ENPP1: variants seen among roughly 807,000 people sequenced by gnomAD.
ENPP1 encodes the protein ectonucleotide pyrophosphatase/phosphodiesterase family member 1.
In ENPP1, 73 loss-of-function variants were observed where a neutral mutation model predicts 122.8. The observed-to-expected ratio is 0.59, with a 90% CI of 0.49 to 0.72. ENPP1 has a LOEUF of 0.72. ENPP1 is among the 30% of genes least tolerant of loss of function. The pLI, the probability that ENPP1 is intolerant of heterozygous loss-of-function variation, is 0.00. For synonymous variants in ENPP1, 367 were observed against 391.6 expected, an observed-to-expected ratio of 0.94 and a Z score of 0.74; for missense variants, 978 against 1,128.1, an observed-to-expected ratio of 0.87 and a Z score of 1.91.
At chr6:131,824,492 T>C (rs140897871) in intron 1 of ENPP1, among the ~76,000 whole-genome samples, 93 of 152,160 alleles carry the variant, frequency 6.1e-4, no homozygotes, top group Middle Eastern at 3.4e-3. Flanking sequence ...TCTCTCTCTG[T>C]CATCCAGGCT....
rs1328281991 is a variant in ENPP1, at chr6:131,894,796, T to C, written c.*4285T>C. On this transcript the variant is annotated 3_prime_UTR_variant, in exon 25 of 25. Coordinates refer to ENST00000647893, the MANE Select transcript of ENPP1 (RefSeq NM_006208.3). Reference sequence around the variant, plus strand: ...GCTGTTCCTGTTTAAGGAGACAAGATGGGCATGGAACAGGGACCACCCCCT... The same window carrying C: ...GCTGTTCCTGTTTAAGGAGACAAGACGGGCATGGAACAGGGACCACCCCCT... 2.6e-5 allele frequency: 4 copies of C among 152,190 alleles called. No homozygotes were observed. The highest frequency in any genetic ancestry group is 5.9e-5 in the Non-Finnish European group (4 of 68,088). 9.4% of individuals were successfully genotyped at this position (152,190 alleles called of 1,614,324 possible).
At chr6:131,855,931 A>C (rs1781940881) in intron 6 of ENPP1, among the ~76,000 whole-genome samples, 1 of 152,070 alleles carries the variant, frequency 6.6e-6, no homozygotes, top group South Asian at 2.1e-4. Flanking sequence ...AAGTAAATAC[A>C]ATTACTTTAG....
At chr6:131,843,137 T>G (rs572311023) in intron 1 of ENPP1, among the ~76,000 whole-genome samples, 12 of 152,322 alleles carry the variant, frequency 7.9e-5, no homozygotes, top group African/African-American at 2.9e-4. Flanking sequence ...GTTAAACTGC[T>G]TTGACAGGAA....
At chr6:131,829,527 T>C (rs1422429643) in intron 1 of ENPP1, among the ~76,000 whole-genome samples, 2 of 152,246 alleles carry the variant, frequency 1.3e-5, no homozygotes, top group Non-Finnish European at 2.9e-5. Context: ...TGTCTATCTA[T>C]CCATCCATCC....
chr6:131,886,946 T>C (rs1172197770), intron 24 of ENPP1, among the ~76,000 whole-genome samples: 1 of 107,464 alleles, frequency 9.3e-6, no homozygotes, highest in East Asian at 3.1e-4. Context: ...TTTTTTTTTT[T>C]AGAGATAGGG....
chr6:131,808,332 C>T (rs889424439), intron 1 of ENPP1, 57 bp downstream of exon 1: 11 of 1,446,070 alleles, frequency 7.6e-6, no homozygotes, highest in Middle Eastern at 2.5e-4. Flanking sequence ...GGGAGGGCGG[C>T]GCCGAGCTCC....
In ENPP1 at chr6:131,850,106, G is replaced by C. The variant is rs751279239; in HGVS notation, c.430G>C (p.Glu144Gln). The C allele has an allele frequency of 6.3e-7, 1 of 1,591,330 alleles. No individual in the cohort carries two copies. ...TTACCAGGAGACGTGCATAGAACCA[G>C]GTAAGGATGAGCAGGGAAAAAAGTG... ...LDYQETCIEP[E>Q]HIWTCNKFRC... Residue 144 changes from glutamate to glutamine, a missense_variant and splice_region_variant, in exon 3 of 25, where the codon GAA becomes CAA. Physicochemically the swap from Glu to Gln is conservative, Grantham distance 29. This residue lies in a region of ENPP1 where 330 missense variants were observed against 328.5 expected (regional missense o/e 1.00). Transcript: ENST00000647893.
intron 11 of ENPP1, 69 bp downstream of exon 11, chr6:131,865,007 G>A (rs1228776940): frequency 8.5e-6 from 8 of 944,230 alleles, no homozygotes; most frequent in Non-Finnish European, 1.4e-5. Flanking sequence ...CTTTGAAGGA[G>A]GCTGCTAGAC....
intron 1 of ENPP1, chr6:131,828,064 T>C: frequency 1.6e-6 from 1 of 644,134 alleles, no homozygotes; most frequent in Non-Finnish European, 3.0e-6. Flanking sequence ...GGAAGAACGT[T>C]GCAAACCAAT....
chr6:131,840,629 A>G (rs947104074), intron 1 of ENPP1, among the ~76,000 whole-genome samples: 2 of 152,212 alleles, frequency 1.3e-5, no homozygotes, highest in African/African-American at 4.8e-5. Context: ...TCATAGATTT[A>G]AAAATGAGGC....
At chr6:131,860,271 CTTA>C (rs1265073871) in intron 7 of ENPP1, 113 bp from the exon 8 acceptor site, 4 of 821,682 alleles carry the variant, frequency 4.9e-6, no homozygotes, top group East Asian at 2.7e-5. Flanking sequence ...TTTCCTTAAA[CTTA>C]TTATAATTCC....
intron 22 of ENPP1, among the ~76,000 whole-genome samples, 181 bp from the exon 23 acceptor site, chr6:131,884,750 G>C (rs1782354413): frequency 6.6e-6 from 1 of 152,186 alleles, no homozygotes; most frequent in Admixed American, 6.5e-5. Context: ...ACTCCAGCCT[G>C]GGTGATATAG....
intron 1 of ENPP1, among the ~76,000 whole-genome samples, chr6:131,842,506 C>T (rs1429132569): frequency 6.6e-6 from 1 of 151,950 alleles, no homozygotes; most frequent in South Asian, 2.1e-4. Context: ...TTGTATTTCC[C>T]CACAGAATCT....
chr6:131,852,586 G>T (rs1781896065), intron 5 of ENPP1, among the ~76,000 whole-genome samples: 1 of 152,096 alleles, frequency 6.6e-6, no homozygotes, highest in Non-Finnish European at 1.5e-5. Flanking sequence ...TTTTTAGCCA[G>T]ATCTTGTGTT....
rs1782382289 is a variant in ENPP1 at position 131,886,676 on chromosome 6, C to G, written c.2559C>G (p.Thr853=). ...CTTTGCACTGTGAAAACCTAGACAC[C>G]TTAGCTTTCATTTTGCCTCACAGGA... The part of the protein sequence containing the change: ...QTPLHCENLD[T]LAFILPHRTD... The change falls in exon 24 of 25, where the codon ACC becomes ACG. Residue 853 remains threonine, a synonymous_variant. Coordinates refer to ENST00000647893, the MANE Select transcript of ENPP1 (RefSeq NM_006208.3). 1.2e-6 allele frequency: 2 copies of G among 1,614,024 alleles called. No individual in the cohort carries two copies. Among genetic ancestry groups the G allele is most frequent in the Non-Finnish European group, 1.7e-6 (2 of 1,179,960 alleles).
intron 13 of ENPP1, 83 bp from the exon 14 acceptor site, chr6:131,871,987 G>A: frequency 9.7e-7 from 1 of 1,027,976 alleles, no homozygotes; most frequent in Middle Eastern, 2.8e-4. Flanking sequence ...TGCAGAGTTT[G>A]GATCTGACAT....
Position 131,885,019 on chromosome 6 carries a change from CT to C in ENPP1, c.2403del (p.Phe801LeufsTer10). ...ATGTCGTCAGTGGTCCTGTGTTTGACTTTGATTATGATGGACGTTGTGATTC... is the reference window on the plus strand; with the variant it reads ...ATGTCGTCAGTGGTCCTGTGTTTGACTTGATTATGATGGACGTTGTGATTC... ...VNVVSGPVFD[F>X]DYDGRCDSLE... On this transcript the variant is annotated frameshift_variant, in exon 23 of 25. Coordinates refer to ENST00000647893, the MANE Select transcript of ENPP1 (RefSeq NM_006208.3). LOFTEE classifies it high-confidence loss of function. The C allele has an allele frequency of 6.2e-7, 1 of 1,614,012 alleles. No individual in the cohort carries two copies. Among genetic ancestry groups the C allele is most frequent in the Non-Finnish European group, 8.5e-7 (1 of 1,179,944 alleles).
At chr6:131,827,134 A>G in intron 1 of ENPP1, 1 of 717,260 alleles carries the variant, frequency 1.4e-6, no homozygotes, top group Non-Finnish European at 2.6e-6. Flanking sequence ...AAGACTGTTG[A>G]GCATAAAAAG....
At chr6:131,815,973 G>A (rs867330580) in intron 1 of ENPP1, among the ~76,000 whole-genome samples, 41 of 150,340 alleles carry the variant, frequency 2.7e-4, no homozygotes, top group Middle Eastern at 3.5e-3. Flanking sequence ...TGCCCGCCTC[G>A]GCCTCCCAAA....
Sources: allele counts gnomAD v4.1 joint callset (sites outside exome capture counted in the v4.1 genomes callset), GRCh38; gene constraint gnomAD v4.1.1; regional missense constraint gnomAD v4.1.1; transcripts MANE v1.5; gene names NCBI Gene and HGNC (gene_info 2026-07-23, HGNC 2026-07-21).